CALN1: variants seen among roughly 807,000 people sequenced by gnomAD.
The protein encoded by CALN1 is calcium-binding protein 8.
Under a neutral mutation model 30.6 loss-of-function variants are expected in CALN1, and 17 were observed. The ratio of observed to expected loss-of-function variants is 0.56; its 90% CI spans 0.38 to 0.83. The LOEUF is 0.83. CALN1 is among the 40% of genes least tolerant of loss of function. The pLI is 0.00. For missense variants in CALN1, 291 were observed against 354.9 expected, an observed-to-expected ratio of 0.82 and a Z score of 1.45; for synonymous variants, 156 against 131.4, an observed-to-expected ratio of 1.19 and a Z score of -1.28.
chr7:72,305,136 G>A (rs1799563835), intron 2 of CALN1, among the ~76,000 whole-genome samples: 1 of 152,184 alleles, frequency 6.6e-6, no homozygotes, highest in Non-Finnish European at 1.5e-5. Context: ...GTGTCAGCCA[G>A]GACAGACATG....
the CALN1 span, among the ~76,000 whole-genome samples, chr7:72,467,307 G>A: frequency 2.0e-5 from 3 of 152,194 alleles, no homozygotes; most frequent in East Asian, 3.8e-4. Flanking sequence ...ATGTCCACAC[G>A]GCAGGGGGGT....
chr7:72,215,156 G>T (rs1792689168), intron 3 of CALN1, among the ~76,000 whole-genome samples: 1 of 152,144 alleles, frequency 6.6e-6, no homozygotes, highest in African/African-American at 2.4e-5. Flanking sequence ...AAGGGCTGCG[G>T]ACCACTGGTC....
At chr7:72,196,470 G>C (rs886548874) in intron 3 of CALN1, among the ~76,000 whole-genome samples, 1 of 149,288 alleles carries the variant, frequency 6.7e-6, no homozygotes, top group Non-Finnish European at 1.5e-5. Flanking sequence ...TTACCCTGAT[G>C]GACACACAGC....
chr7:71,982,961 G>C (rs1298165060), intron 5 of CALN1, among the ~76,000 whole-genome samples: 2 of 152,302 alleles, frequency 1.3e-5, no homozygotes, highest in Non-Finnish European at 2.9e-5. Flanking sequence ...GTAAGGAGCA[G>C]ACAACCTGGT....
chr7:71,795,325 T>A (rs1222480710), intron 6 of CALN1, among the ~76,000 whole-genome samples: 1 of 151,980 alleles, frequency 6.6e-6, no homozygotes, highest in African/African-American at 2.4e-5. Flanking sequence ...TGCCCGGCCA[T>A]CTTCCCTCTT....
intron 5 of CALN1, among the ~76,000 whole-genome samples, chr7:71,813,874 T>C (rs556812332): frequency 1.4e-5 from 2 of 143,432 alleles, no homozygotes; most frequent in Non-Finnish European, 3.0e-5. Flanking sequence ...GAGCTTGCAG[T>C]GAGCCGACAT....
intron 4 of CALN1, among the ~76,000 whole-genome samples, chr7:72,046,467 T>G (rs1307331573): frequency 6.6e-6 from 1 of 151,652 alleles, no homozygotes; most frequent in Non-Finnish European, 1.5e-5. Context: ...ATCCCAACAC[T>G]TTGGGAGGCA....
At chr7:71,985,778 C>T (rs939571001) in intron 5 of CALN1, among the ~76,000 whole-genome samples, 1 of 151,610 alleles carries the variant, frequency 6.6e-6, no homozygotes, top group African/African-American at 2.4e-5. Flanking sequence ...TTGATAGAGA[C>T]AGGATTTCTC....
chr7:72,383,344 T>A (rs1213106576), intron 2 of CALN1, among the ~76,000 whole-genome samples: 2 of 152,232 alleles, frequency 1.3e-5, no homozygotes, highest in Non-Finnish European at 2.9e-5. Context: ...TCCAAACTGC[T>A]TTCCACAGTG....
At position 72,317,254 on chromosome 7, in the gene CALN1, A is replaced by C. The variant is rs190297734; in HGVS notation, c.120-38444T>G. 4.9e-3 allele frequency among the ~76,000 whole-genome samples: 565 copies of C among 114,760 alleles called. 7 individuals carry two copies. Among genetic ancestry groups the C allele is most frequent in the African/African-American group, 0.017 (511 of 30,464 alleles). The allele number at this position is 114,760 out of a possible 152,430, so 75.3% of individuals were successfully genotyped here. A position where few individuals can be genotyped will look rare whatever the true frequency, so the allele number is the denominator to read the frequency against. On this transcript the variant is annotated intron_variant, in intron 2 of 6. Coordinates refer to ENST00000395275, the MANE Select transcript of CALN1 (RefSeq NM_031468.4). ...GAAGAGAAGGAAGGAAGGAGAGAGA[A>C]GGGGGGGACGGAGGGAGGGAGGAAG...
At chr7:72,023,443 GC>G (rs565402678) in intron 5 of CALN1, among the ~76,000 whole-genome samples, 212 of 151,526 alleles carry the variant, frequency 1.4e-3, no homozygotes, top group African/African-American at 5.0e-3. Flanking sequence ...TTTCCCTAAT[GC>G]AAAAAAAAAT....
intron 2 of CALN1, among the ~76,000 whole-genome samples, chr7:72,386,227 A>T (rs1805203060): frequency 6.6e-6 from 1 of 152,186 alleles, no homozygotes; most frequent in South Asian, 2.1e-4. Context: ...AATGAATCTT[A>T]ATGCATGCAA....
rs981963636 is a variant in CALN1 at position 72,420,756 on chromosome 7, A to T, written c.-225-8481T>A. 2.0e-5 allele frequency among the ~76,000 whole-genome samples: 3 copies of T among 150,634 alleles called. No homozygotes were observed. In the Admixed American group the frequency reaches 2.0e-4, roughly 10 times the overall value. On this transcript the variant is annotated intron_variant, in intron 1 of 6. Transcript: ENST00000395276. The stretch of plus-strand genomic sequence containing the variant: ...CTCCTCCCTCAGTCGAGTAGCTGGG[A>T]CTACAGGAGCCCGCCACTACGCCCG...
intron 5 of CALN1, among the ~76,000 whole-genome samples, chr7:71,887,969 C>T: frequency 6.6e-6 from 1 of 151,998 alleles, no homozygotes; most frequent in Admixed American, 6.6e-5. Context: ...CGGAGTTTGA[C>T]ATGTCTGTAG....
rs1021800385 is a variant in CALN1, at chr7:72,311,427, G to T, written c.120-32617C>A. ...ATGTGAATTTTTTACTGTGCAGAGG[G>T]TCAACACCCCAACCTTGCATTGTGG... On this transcript the variant is annotated intron_variant, in intron 2 of 6. Transcript: ENST00000395275. Among the ~76,000 whole-genome samples, 3 of 151,976 alleles carry T rather than the reference G, an allele frequency of 2.0e-5. No individual in the cohort carries two copies. The South Asian group carries it at 6.2e-4, about 32-fold the overall frequency.
chr7:71,998,203 C>T (rs1004232485), intron 5 of CALN1, among the ~76,000 whole-genome samples: 11 of 151,864 alleles, frequency 7.2e-5, no homozygotes, highest in African/African-American at 2.4e-4. Context: ...AAAGAAAAAC[C>T]AAAAAATTTA....
intron 2 of CALN1, among the ~76,000 whole-genome samples, chr7:72,360,604 CTAT>C (rs1389217831): frequency 1.4e-5 from 2 of 147,758 alleles, no homozygotes; most frequent in East Asian, 2.0e-4. Context: ...TTTTTCTTTT[CTAT>C]TTTTTTTTTA....
intron 6 of CALN1, among the ~76,000 whole-genome samples, chr7:71,790,380 G>GAAAGAAAGA: frequency 1.4e-5 from 1 of 72,044 alleles, no homozygotes; most frequent in South Asian, 4.9e-4. Flanking sequence ...AAGAAAGAAA[G>GAAAGAAAGA]AAAGAAAGAA....
chr7:72,214,879 T>G (rs2129548461), intron 3 of CALN1, among the ~76,000 whole-genome samples: 1 of 151,754 alleles, frequency 6.6e-6, no homozygotes, highest in South Asian at 2.1e-4. Flanking sequence ...TGCACACTCC[T>G]TATGAGGATC....
Sources: gnomAD v4.1 joint callset for allele counts (sites outside exome capture counted in the v4.1 genomes callset) on GRCh38, gnomAD v4.1.1 for gene constraint, MANE v1.5 for transcripts, NCBI Gene and HGNC (gene_info 2026-07-23, HGNC 2026-07-21) for gene names.